Variants in VRK2 observed in about 807,000 individuals in gnomAD.
VRK2 encodes the protein VRK serine/threonine kinase 2.
A neutral mutation model predicts 57.6 loss-of-function variants in VRK2; 60 were observed. The ratio of observed to expected loss-of-function variants is 1.04; its 90% CI spans 0.85 to 1.29. The LOEUF is 1.29. VRK2 is among the 50% of genes most tolerant of loss of function. VRK2 has a pLI of 0.00. For missense variants in VRK2, 705 were observed against 588.1 expected, an observed-to-expected ratio of 1.20 and a Z score of -2.06; for synonymous variants, 231 against 199.2, an observed-to-expected ratio of 1.16 and a Z score of -1.35.
At chr2:58,137,155 T>TGATACATATA (rs1198033223) in intron 10 of VRK2, among the ~76,000 whole-genome samples, 6 of 25,004 alleles carry the variant, frequency 2.4e-4, no homozygotes, top group East Asian at 1.3e-3. Context: ...ATATCATGTG[T>TGATACATATA]TTATATATAT....
chr2:58,111,828 CA>C (rs140450949), intron 7 of VRK2, among the ~76,000 whole-genome samples: 1,620 of 151,998 alleles, frequency 0.011, 33 homozygotes, highest in Middle Eastern at 0.02. Context: ...TGAACCAAAA[CA>C]AGTTTTATTT....
At chr2:57,990,729 G>A (rs1178910455) in intron 1 of VRK2, among the ~76,000 whole-genome samples, 1 of 152,126 alleles carries the variant, frequency 6.6e-6, no homozygotes, top group Non-Finnish European at 1.5e-5. Context: ...AATGAGAGAA[G>A]TATATCTTAC....
intron 1 of VRK2, among the ~76,000 whole-genome samples, chr2:57,973,717 C>T (rs1672164410): frequency 6.6e-6 from 1 of 151,806 alleles, no homozygotes; most frequent in Non-Finnish European, 1.5e-5. Context: ...ACATCATTTT[C>T]AAGAGCTAAA....
intron 1 of VRK2, among the ~76,000 whole-genome samples, chr2:57,953,673 T>A (rs1334787330): frequency 6.6e-6 from 1 of 152,152 alleles, no homozygotes; most frequent in African/African-American, 2.4e-5. Context: ...CTCATTAATA[T>A]ATTTTTTTAA....
At chr2:57,919,303 T>A (rs943857780) in intron 1 of VRK2, among the ~76,000 whole-genome samples, 1 of 152,106 alleles carries the variant, frequency 6.6e-6, no homozygotes, top group Non-Finnish European at 1.5e-5. Flanking sequence ...ATATATTTTA[T>A]AATGTTTTAT....
At chr2:58,141,130 T>C (rs938128224) in intron 11 of VRK2, among the ~76,000 whole-genome samples, 1 of 152,044 alleles carries the variant, frequency 6.6e-6, no homozygotes, top group Non-Finnish European at 1.5e-5. Flanking sequence ...TTTAACAGTT[T>C]TATTGACTTT....
At chr2:58,046,591 C>G (rs769854040), upstream of VRK2, 5 of 985,554 alleles carry the variant, frequency 5.1e-6, no homozygotes, top group Non-Finnish European at 4.8e-6. Flanking sequence ...TAACACAGCT[C>G]CCATTCCCCA....
rs70954875 is a variant in VRK2 at position 58,134,617 on chromosome 2, C to CAAAAAA, written c.798-509_798-504dup. ...TGGGCGACAGAGCGAGACTCCGTCT[C>CAAAAAA]AAAAAAAAAAAAAAAAAAAAGAATA... On this transcript the variant is annotated intron_variant, in intron 9 of 12. Transcript: ENST00000340157. 3.4e-3 allele frequency among the ~76,000 whole-genome samples: 249 copies of CAAAAAA among 73,076 alleles called. 1 individual carries two copies. The highest frequency in any genetic ancestry group is 9.4e-3 in the African/African-American group (213 of 22,552). The allele number at this position is 73,076 out of a possible 152,430, so 47.9% of individuals were successfully genotyped here. A position where few individuals can be genotyped will look rare whatever the true frequency, so the allele number is the denominator to read the frequency against.
chr2:58,085,452 A>G (rs1490603629), intron 4 of VRK2, among the ~76,000 whole-genome samples: 1 of 152,018 alleles, frequency 6.6e-6, no homozygotes, highest in Non-Finnish European at 1.5e-5. Context: ...GGAGCTGGAT[A>G]CCAAGTGTAA....
chr2:57,955,676 T>C (rs1319585765), intron 1 of VRK2, among the ~76,000 whole-genome samples: 1 of 152,128 alleles, frequency 6.6e-6, no homozygotes, highest in African/African-American at 2.4e-5. Flanking sequence ...GGTTGATAGG[T>C]GCAGCAAACC....
chr2:58,108,305 C>T (rs536260883), intron 7 of VRK2, among the ~76,000 whole-genome samples: 35 of 152,182 alleles, frequency 2.3e-4, no homozygotes, highest in African/African-American at 8.2e-4. Context: ...TGTCCTAGTC[C>T]GAGTTCCTGT....
At chr2:58,139,528 C>A in intron 10 of VRK2, 138 bp from the exon 11 acceptor site, 1 of 715,228 alleles carries the variant, frequency 1.4e-6, no homozygotes, top group Non-Finnish European at 2.3e-6. Flanking sequence ...AAGTTATTTT[C>A]ATTGAATTGT....
At chr2:58,067,746 G>C (rs887831254) in intron 2 of VRK2, among the ~76,000 whole-genome samples, 2 of 151,876 alleles carry the variant, frequency 1.3e-5, no homozygotes, top group African/African-American at 4.8e-5. Context: ...TACATGTTTT[G>C]CTCCGTCTGT....
chr2:57,997,118 G>C (rs1318648072), intron 1 of VRK2, among the ~76,000 whole-genome samples: 1 of 152,046 alleles, frequency 6.6e-6, no homozygotes, highest in Non-Finnish European at 1.5e-5. Context: ...GCATGATTTT[G>C]AGTCATTGAT....
intron 1 of VRK2, among the ~76,000 whole-genome samples, chr2:57,909,183 G>A (rs1440554481): frequency 6.6e-6 from 1 of 152,102 alleles, no homozygotes; most frequent in African/African-American, 2.4e-5. Flanking sequence ...TTATGCCTCA[G>A]TTTACCTTCT....
At chr2:57,979,606 C>A (rs555795782) in intron 1 of VRK2, among the ~76,000 whole-genome samples, 2 of 144,980 alleles carry the variant, frequency 1.4e-5, no homozygotes, top group South Asian at 4.2e-4. Flanking sequence ...TAATTTAACC[C>A]CAGCACTAGC....
At chr2:57,995,665 C>A (rs1467347922) in intron 1 of VRK2, among the ~76,000 whole-genome samples, 1 of 152,172 alleles carries the variant, frequency 6.6e-6, no homozygotes, top group African/African-American at 2.4e-5. Context: ...AGCAAAAGTG[C>A]TTTATGAGTA....
At chr2:57,939,608 T>C (rs1230810847) in intron 1 of VRK2, among the ~76,000 whole-genome samples, 2 of 152,212 alleles carry the variant, frequency 1.3e-5, no homozygotes, top group Non-Finnish European at 2.9e-5. Flanking sequence ...ATAAAAATTA[T>C]ATTACATTTA....
intron 1 of VRK2, among the ~76,000 whole-genome samples, chr2:57,914,885 A>G (rs1351630151): frequency 6.6e-6 from 1 of 152,188 alleles, no homozygotes; most frequent in Non-Finnish European, 1.5e-5. Flanking sequence ...AGGGGATTCC[A>G]TAACAACATT....
Sources: allele counts gnomAD v4.1 joint callset (sites outside exome capture counted in the v4.1 genomes callset), GRCh38; gene constraint gnomAD v4.1.1; transcripts MANE v1.5; gene names NCBI Gene and HGNC (gene_info 2026-07-23, HGNC 2026-07-21).